The following BCKDHB variants were observed in gnomAD, a reference collection of about 807,000 sequenced individuals.
The protein encoded by BCKDHB is branched chain keto acid dehydrogenase E1 subunit beta.
Under a neutral mutation model 48.5 loss-of-function variants are expected in BCKDHB, and 41 were observed. The observed-to-expected ratio is 0.85, with a 90% confidence interval of 0.66 to 1.10. The LOEUF is 1.10. Among genes scored for constraint, BCKDHB ranks in the 50% least tolerant of loss-of-function variants. The pLI, the probability that BCKDHB is intolerant of heterozygous loss-of-function variation, is 0.00. For synonymous variants in BCKDHB, 201 were observed against 174.8 expected (o/e 1.15, Z -1.18); for missense variants, 496 against 494.2 (o/e 1.00, Z -0.03).
intron 8 of BCKDHB, among the ~76,000 whole-genome samples, chr6:80,244,039 A>C (rs1776504415): frequency 6.6e-6 from 1 of 152,228 alleles, no homozygotes; most frequent in African/African-American, 2.4e-5. Context: ...AAAATACACT[A>C]TTTCTTGAGG....
downstream of BCKDHB, among the ~76,000 whole-genome samples, chr6:80,348,811 A>G (rs1321396973): frequency 1.3e-5 from 2 of 152,310 alleles, no homozygotes; most frequent in Non-Finnish European, 2.9e-5. Context: ...AGATCCTGAT[A>G]TACTTTAAAC....
At chr6:80,177,609 T>A (rs1458592175) in intron 6 of BCKDHB, among the ~76,000 whole-genome samples, 1 of 152,168 alleles carries the variant, frequency 6.6e-6, no homozygotes, top group Non-Finnish European at 1.5e-5. Flanking sequence ...CCTGGCATAT[T>A]TTTGCCATTT....
At chr6:80,126,306 A>G (rs1770337399) in intron 1 of BCKDHB, among the ~76,000 whole-genome samples, 1 of 152,124 alleles carries the variant, frequency 6.6e-6, no homozygotes, top group South Asian at 2.1e-4. Flanking sequence ...GTATCGGTGG[A>G]TAATGGAAGG....
In BCKDHB at chr6:80,345,345, A is replaced by G. The variant is rs1562243713; in HGVS notation, c.*1541A>G. 1 of 152,224 alleles carries G rather than the reference A, an allele frequency of 6.6e-6. No homozygotes were observed. Among genetic ancestry groups the G allele is most frequent in the Non-Finnish European group, 1.5e-5 (1 of 68,046 alleles). The allele number at this position is 152,224 out of a possible 1,614,324, so 9.4% of individuals were successfully genotyped here. A position where few individuals can be genotyped will look rare whatever the true frequency, so the allele number is the denominator to read the frequency against. On this transcript the variant is annotated 3_prime_UTR_variant, in exon 10 of 10. Coordinates refer to ENST00000320393, the MANE Select transcript of BCKDHB (RefSeq NM_183050.4). ...TTTTCAAAAGCAAAATCAACTCTGT[A>G]TAATAGCACATTCTCTACTTTTTAA...
chr6:80,179,761 A>G (rs1288137579), intron 6 of BCKDHB, among the ~76,000 whole-genome samples: 1 of 152,206 alleles, frequency 6.6e-6, no homozygotes, highest in African/African-American at 2.4e-5. Flanking sequence ...TATAAAAACT[A>G]CATGTCACAG....
chr6:80,338,700 T>G (rs2207142), intron 9 of BCKDHB, among the ~76,000 whole-genome samples: 117,948 of 152,070 alleles, frequency 0.78, 46,119 homozygotes, highest in Admixed American at 0.84. Context: ...TACCTTGTGC[T>G]TATTATAAAT....
At chr6:80,364,964 C>T in the BCKDHB span, among the ~76,000 whole-genome samples, 15 of 152,236 alleles carry the variant, frequency 9.9e-5, no homozygotes, top group East Asian at 1.9e-4. Flanking sequence ...TCAGTACACC[C>T]GTGATGCCCG....
chr6:80,218,251 T>A (rs921490439), intron 8 of BCKDHB, among the ~76,000 whole-genome samples: 1 of 152,156 alleles, frequency 6.6e-6, no homozygotes, highest in African/African-American at 2.4e-5. Flanking sequence ...GGAGCCTGGG[T>A]CACATCTTTA....
chr6:80,259,260 G>C (rs1385646553), intron 8 of BCKDHB, among the ~76,000 whole-genome samples: 1 of 152,200 alleles, frequency 6.6e-6, no homozygotes, highest in Non-Finnish European at 1.5e-5. Context: ...TCAGCAGCTT[G>C]CTGCTGCTCC....
At chr6:80,389,663 T>C in the BCKDHB span, among the ~76,000 whole-genome samples, 1 of 152,212 alleles carries the variant, frequency 6.6e-6, no homozygotes, top group Non-Finnish European at 1.5e-5. Flanking sequence ...TGAAATTCAC[T>C]GGTTTTACCA....
At chr6:80,406,486 T>C in the BCKDHB span, among the ~76,000 whole-genome samples, 1 of 152,228 alleles carries the variant, frequency 6.6e-6, no homozygotes, top group East Asian at 1.9e-4. Flanking sequence ...TGTAAAAGCA[T>C]TCCTATTTCT....
At chr6:80,379,705 TC>T in the BCKDHB span, among the ~76,000 whole-genome samples, 1 of 152,012 alleles carries the variant, frequency 6.6e-6, no homozygotes, top group Admixed American at 6.6e-5. Flanking sequence ...CCCTAAAGGC[TC>T]CTCCAGAAGA....
the BCKDHB span, among the ~76,000 whole-genome samples, chr6:80,384,116 G>A: frequency 6.6e-6 from 1 of 152,222 alleles, no homozygotes; most frequent in South Asian, 2.1e-4. Context: ...TTGATCCTGG[G>A]TGTATCTGTG....
At chr6:80,182,414 A>G (rs570890162) in intron 6 of BCKDHB, among the ~76,000 whole-genome samples, 1 of 152,328 alleles carries the variant, frequency 6.6e-6, no homozygotes, top group Non-Finnish European at 1.5e-5. Context: ...GACCGTAAGC[A>G]GATATCTATT....
chr6:80,382,961 TATAACC>T, the BCKDHB span, among the ~76,000 whole-genome samples: 1 of 152,138 alleles, frequency 6.6e-6, no homozygotes, highest in Non-Finnish European at 1.5e-5. Context: ...TGTGAATATA[TATAACC>T]ACTGAAATCA....
At chr6:80,399,433 T>G in the BCKDHB span, among the ~76,000 whole-genome samples, 1 of 152,026 alleles carries the variant, frequency 6.6e-6, no homozygotes, top group Non-Finnish European at 1.5e-5. Context: ...CAAAAATAAC[T>G]AACATTTCTA....
At chr6:80,330,643 A>G (rs954273314) in intron 9 of BCKDHB, among the ~76,000 whole-genome samples, 3 of 152,216 alleles carry the variant, frequency 2.0e-5, no homozygotes, top group African/African-American at 7.2e-5. Context: ...TATGTATTTA[A>G]TTTGGAAAAT....
chr6:80,455,922 T>C, the BCKDHB span, among the ~76,000 whole-genome samples: 2 of 152,058 alleles, frequency 1.3e-5, no homozygotes, highest in East Asian at 3.9e-4. Context: ...TCAGTAACCG[T>C]TCTTTTAAAT....
intron 6 of BCKDHB, among the ~76,000 whole-genome samples, chr6:80,189,709 GTATT>G (rs1773806619): frequency 6.6e-6 from 1 of 152,050 alleles, no homozygotes; most frequent in Non-Finnish European, 1.5e-5. Flanking sequence ...AGGCCATTAG[GTATT>G]TAGTAATTTT....
Sources: allele counts gnomAD v4.1 joint callset (sites outside exome capture counted in the v4.1 genomes callset), GRCh38; gene constraint gnomAD v4.1.1; transcripts MANE v1.5; gene names NCBI Gene and HGNC (gene_info 2026-07-23, HGNC 2026-07-21).